TMCO4: variants seen among roughly 807,000 people sequenced by gnomAD.
TMCO4 encodes the protein transmembrane and coiled-coil domain-containing protein 4.
Under a neutral mutation model 64.7 loss-of-function variants are expected in TMCO4, and 58 were observed. That is an observed-to-expected ratio of 0.90 (90% confidence interval 0.73 to 1.12). The LOEUF (loss-of-function observed/expected upper bound fraction) is 1.12, where lower values mean the gene tolerates loss of function less well. Ranked by LOEUF, TMCO4 falls within the 50% of genes most tolerant of loss-of-function variation. TMCO4 has a pLI of 0.00. For missense variants in TMCO4, 780 were observed against 825.9 expected, an observed-to-expected ratio of 0.94 and a Z score of 0.68; for synonymous variants, 325 against 346.1, an observed-to-expected ratio of 0.94 and a Z score of 0.68.
chr1:19,697,261 A>C (rs2095242962), intron 14 of TMCO4, among the ~76,000 whole-genome samples: 1 of 151,930 alleles, frequency 6.6e-6, no homozygotes, highest in South Asian at 2.1e-4. Flanking sequence ...ACCCAGTACT[A>C]TATATATACG....
intron 15 of TMCO4, among the ~76,000 whole-genome samples, chr1:19,685,769 A>C (rs1192897452): frequency 7.5e-6 from 1 of 133,616 alleles, no homozygotes; most frequent in Admixed American, 8.9e-5. Flanking sequence ...GCTGGAGTGC[A>C]ATGGTGCAGT....
chr1:19,730,514 G>A (rs778918860), intron 13 of TMCO4, among the ~76,000 whole-genome samples: 1 of 152,250 alleles, frequency 6.6e-6, no homozygotes, highest in Non-Finnish European at 1.5e-5. Context: ...CCAGGTACAG[G>A]AAGCACAGAG....
intron 6 of TMCO4, among the ~76,000 whole-genome samples, chr1:19,761,254 C>T (rs928854812): frequency 6.6e-6 from 1 of 152,192 alleles, no homozygotes; most frequent in Non-Finnish European, 1.5e-5. Context: ...AGGAGGGCCA[C>T]GAGCTAGCAG....
In TMCO4 at chr1:19,743,138, T is replaced by C. The variant is rs184375428; in HGVS notation, c.878-2197A>G. Reference sequence around the variant, plus strand: ...TTGTGCTGTCCTATGGCCAAGAATATGGGCTGGAGCCAGATAGAATGGGGG... The same window carrying C: ...TTGTGCTGTCCTATGGCCAAGAATACGGGCTGGAGCCAGATAGAATGGGGG... On this transcript the variant is annotated intron_variant, in intron 10 of 15. Coordinates refer to ENST00000294543, the MANE Select transcript of TMCO4 (RefSeq NM_181719.7). The surrounding 1 kb of genome is among the most constrained non-coding windows in gnomAD (Gnocchi z 4.1). Among the ~76,000 whole-genome samples, 3 of 152,332 alleles carry C rather than the reference T, an allele frequency of 2.0e-5. No homozygotes were observed. The highest frequency in any genetic ancestry group is 7.2e-5 in the African/African-American group (3 of 41,564).
In TMCO4 at chr1:19,771,418, G is replaced by T. The variant is rs1417790071; in HGVS notation, c.244C>A (p.Pro82Thr). 1 of 1,613,978 alleles carries T rather than the reference G, an allele frequency of 6.2e-7. No homozygotes were observed. The highest frequency in any genetic ancestry group is 8.5e-7 in the Non-Finnish European group (1 of 1,180,018). ...CCGCTCGCAAAAGCAGTCATGGTTGGCAAGACAGCTTCAGACAACTCCAGC... is the reference window on the plus strand; with the variant it reads ...CCGCTCGCAAAAGCAGTCATGGTTGTCAAGACAGCTTCAGACAACTCCAGC... ...QWLELSEAVL[P>T]TMTAFASGLG... Residue 82 changes from proline (P) to threonine (T), a missense_variant, in exon 5 of 16, where the codon CCA becomes ACA. By Grantham distance (38) the Pro-to-Thr change is conservative. Transcript: ENST00000294543.
At chr1:19,763,758 C>A (rs979658906) in intron 6 of TMCO4, among the ~76,000 whole-genome samples, 1 of 152,156 alleles carries the variant, frequency 6.6e-6, no homozygotes, top group Non-Finnish European at 1.5e-5. Flanking sequence ...CCCATTTTTA[C>A]CCTAAATGAA....
rs1448664099 is a variant in TMCO4 at position 19,732,741 on chromosome 1, G to A, written c.1264+4631C>T. 6.6e-6 allele frequency among the ~76,000 whole-genome samples: 1 copy of A among 151,908 alleles called. No individual in the cohort carries two copies. Among genetic ancestry groups the A allele is most frequent in the East Asian group, 2.0e-4 (1 of 5,128 alleles). ...CCCTGTCTTTAAAAAAATGAAGAAT[G>A]TGTTTAGAGTTTTCTGGGCCCAAGT... On this transcript the variant is annotated intron_variant, in intron 13 of 15. Coordinates refer to ENST00000294543, the MANE Select transcript of TMCO4 (RefSeq NM_181719.7). This position sits in a 1 kb window ranked among gnomAD's most constrained non-coding sequence, Gnocchi z 4.8.
chr1:19,694,642 G>T (rs1413494624), intron 14 of TMCO4, 91 bp from the exon 15 acceptor site: 11 of 1,201,036 alleles, frequency 9.2e-6, no homozygotes, highest in Non-Finnish European at 1.3e-5. Context: ...GGGGAAGCCA[G>T]GTGGGAATGG....
intron 13 of TMCO4, among the ~76,000 whole-genome samples, chr1:19,725,789 G>A (rs542006566): frequency 2.2e-4 from 34 of 152,302 alleles, no homozygotes; most frequent in South Asian, 8.3e-4. Flanking sequence ...GGGCAGAGTC[G>A]TTACCCAGGC....
At chr1:19,704,427 C>T (rs929806062) in intron 13 of TMCO4, among the ~76,000 whole-genome samples, 1 of 152,250 alleles carries the variant, frequency 6.6e-6, no homozygotes, top group African/African-American at 2.4e-5. Context: ...CAAGGTCACA[C>T]AGCCAATGAG....
At chr1:19,710,288 T>G (rs2095324791) in intron 13 of TMCO4, among the ~76,000 whole-genome samples, 1 of 144,300 alleles carries the variant, frequency 6.9e-6, no homozygotes, top group Admixed American at 7.0e-5. Context: ...TTTTTTTGGA[T>G]TTTTAGTAGA....
In TMCO4 at chr1:19,700,865, C is replaced by G. The variant is rs772233690; in HGVS notation, c.1285G>C (p.Asp429His). 1.2e-6 allele frequency: 2 copies of G among 1,614,216 alleles called. No homozygotes were observed. The highest frequency in any genetic ancestry group is 3.3e-5 in the Admixed American group (2 of 60,028). Residue 429 changes from aspartate to histidine, a missense_variant, in exon 14 of 16, where the codon GAC becomes CAC. By Grantham distance (81) the Asp-to-His change is moderately conservative (BLOSUM62 -1). Transcript: ENST00000294543. ...QEKDCQGIIE[D>H]VILLGAPVEG... ...ACAGGCGCACCCAGCAGGATGACGT[C>G]CTCGATGATTCCTTGGCAATCTGGC...
intron 3 of TMCO4, among the ~76,000 whole-genome samples, chr1:19,782,290 G>A (rs1161513622): frequency 1.3e-5 from 2 of 152,152 alleles, no homozygotes; most frequent in East Asian, 1.9e-4. Context: ...AGCCATTCAC[G>A]AGAGAGTACC....
intron 11 of TMCO4, 103 bp from the exon 12 acceptor site, chr1:19,740,063 A>C: frequency 7.3e-7 from 1 of 1,372,360 alleles, no homozygotes; most frequent in Non-Finnish European, 9.8e-7. Context: ...GCAGTCTCCA[A>C]CTTGGACCTG....
chr1:19,698,970 G>C (rs2095253975), intron 14 of TMCO4, among the ~76,000 whole-genome samples: 2 of 152,216 alleles, frequency 1.3e-5, no homozygotes, highest in African/African-American at 4.8e-5. Context: ...GCTGAGACGG[G>C]TGGATCACGA....
At chr1:19,797,621 A>T (rs2101179010) in intron 2 of TMCO4, among the ~76,000 whole-genome samples, 1 of 152,226 alleles carries the variant, frequency 6.6e-6, no homozygotes, top group African/African-American at 2.4e-5. Context: ...CTGTAATCCC[A>T]GTACTTTGGG....
chr1:19,765,560 C>A (rs1209954694), intron 6 of TMCO4, among the ~76,000 whole-genome samples: 1 of 152,088 alleles, frequency 6.6e-6, no homozygotes, highest in Non-Finnish European at 1.5e-5. Flanking sequence ...GAATAGCCCC[C>A]CACAACAGAA....
chr1:19,683,396 C>G lies in TMCO4; in HGVS notation c.1549G>C (p.Ala517Pro), dbSNP rs1301529186. 8 of 1,613,498 alleles carry G rather than the reference C, an allele frequency of 5.0e-6. No homozygotes were observed. The highest frequency in any genetic ancestry group is 5.9e-6 in the Non-Finnish European group (7 of 1,180,042). ...YAKQMDAILK[A>P]VGIRTKPGWD... The stretch of plus-strand genomic sequence containing the variant: ...CCTGGCTTGGTGCGGATGCCCACGG[C>G]CTTCAGGATGGCATCCATCTGCTTG... The change falls in exon 16 of 16, where the codon GCC becomes CCC. Residue 517 changes from alanine to proline, a missense_variant. Coordinates refer to ENST00000294543, the MANE Select transcript of TMCO4 (RefSeq NM_181719.7).
At chr1:19,770,679 C>T (rs2042940531) in intron 5 of TMCO4, 110 bp from the exon 6 acceptor site, 1 of 1,111,882 alleles carries the variant, frequency 9.0e-7, no homozygotes, top group Non-Finnish European at 1.3e-6. Context: ...GACAAAAAGC[C>T]ACTGCCCTAG....
Sources: gnomAD v4.1 joint callset for allele counts (sites outside exome capture counted in the v4.1 genomes callset) on GRCh38, gnomAD v4.1.1 for gene constraint, Gnocchi (gnomAD v3.1) non-coding constraint, MANE v1.5 for transcripts, NCBI Gene and HGNC (gene_info 2026-07-23, HGNC 2026-07-21) for gene names.